Variants in CEP128 observed in about 807,000 individuals in gnomAD.
The protein encoded by CEP128 is centrosomal protein 128kDa.
A neutral mutation model predicts 156.7 loss-of-function variants in CEP128; 132 were observed. That is an observed-to-expected ratio of 0.84 (90% confidence interval 0.73 to 0.97). The LOEUF is 0.97. CEP128 is among the 50% of genes least tolerant of loss of function. The pLI is 0.00. For synonymous variants in CEP128, 469 were observed against 448.9 expected, an observed-to-expected ratio of 1.04 and a Z score of -0.57; for missense variants, 1,252 against 1,281.9, an observed-to-expected ratio of 0.98 and a Z score of 0.36.
intron 19 of CEP128, among the ~76,000 whole-genome samples, chr14:80,609,092 T>G (rs893908230): frequency 3.3e-5 from 5 of 152,212 alleles, no homozygotes; most frequent in African/African-American, 1.2e-4. Context: ...GACATACTAA[T>G]GATACTGCAA....
Position 80,792,741 on chromosome 14 carries a change from A to G in CEP128, c.1560+19T>C. On this transcript the variant is annotated intron_variant, in intron 14 of 24. Transcript: ENST00000555265. Reference sequence around the variant, plus strand: ...TGAATCACATTGAAAACCGTTCCTTAGGAATGTGGCTTTTATACCTGATTA... The same window carrying G: ...TGAATCACATTGAAAACCGTTCCTTGGGAATGTGGCTTTTATACCTGATTA... 6.3e-7 allele frequency: 1 copy of G among 1,596,876 alleles called. No individual in the cohort carries two copies. The highest frequency in any genetic ancestry group is 8.6e-7 in the Non-Finnish European group (1 of 1,165,544).
chr14:80,860,041 A>AC, intron 9 of CEP128, among the ~76,000 whole-genome samples: 1 of 152,292 alleles, frequency 6.6e-6, no homozygotes, highest in Non-Finnish European at 1.5e-5. Context: ...TATGGATTTA[A>AC]TTTTTCACCA....
At chr14:80,817,512 C>T (rs1420021967) in intron 13 of CEP128, among the ~76,000 whole-genome samples, 2 of 152,008 alleles carry the variant, frequency 1.3e-5, no homozygotes, top group Non-Finnish European at 2.9e-5. Context: ...CATCTAATAG[C>T]AATATCAGTA....
intron 19 of CEP128, 147 bp from the exon 20 acceptor site, chr14:80,580,570 A>C (rs1891547919): frequency 3.5e-6 from 2 of 570,248 alleles, no homozygotes; most frequent in Non-Finnish European, 6.3e-6. Context: ...ATGTAAAAGA[A>C]ACACGCTCTG....
intron 19 of CEP128, among the ~76,000 whole-genome samples, chr14:80,649,378 T>G (rs1292140943): frequency 1.3e-5 from 2 of 151,748 alleles, no homozygotes; most frequent in African/African-American, 4.8e-5. Context: ...ATTAGTTACC[T>G]AAAAAATGAA....
At chr14:80,768,395 A>C (rs2139720465) in intron 16 of CEP128, among the ~76,000 whole-genome samples, 1 of 152,294 alleles carries the variant, frequency 6.6e-6, no homozygotes, top group Admixed American at 6.5e-5. Flanking sequence ...GTGTGAGAGA[A>C]TGAGCTGATT....
At chr14:80,838,743 T>C (rs544042285) in intron 10 of CEP128, among the ~76,000 whole-genome samples, 2 of 152,290 alleles carry the variant, frequency 1.3e-5, no homozygotes, top group African/African-American at 4.8e-5. Context: ...TTTCATCTAA[T>C]TGGTGATTTC....
At chr14:80,515,694 G>A (rs372142555) in intron 23 of CEP128, among the ~76,000 whole-genome samples, 1 of 152,132 alleles carries the variant, frequency 6.6e-6, no homozygotes. Context: ...CACTCTGCCT[G>A]AGCTGTTGCC....
chr14:80,871,894 AAGATG>A (rs1839110520), intron 8 of CEP128, among the ~76,000 whole-genome samples: 1 of 152,160 alleles, frequency 6.6e-6, no homozygotes, highest in South Asian at 2.1e-4. Context: ...TTCTGTTTAA[AAGATG>A]GTATTCTCGC....
chr14:80,927,164 T>C (rs1885196681), intron 2 of CEP128, among the ~76,000 whole-genome samples: 1 of 152,130 alleles, frequency 6.6e-6, no homozygotes, highest in Non-Finnish European at 1.5e-5. Flanking sequence ...AGGGGGCGTG[T>C]ACCACATTAA....
intron 19 of CEP128, among the ~76,000 whole-genome samples, chr14:80,683,121 A>G (rs1033690958): frequency 2.0e-5 from 3 of 152,146 alleles, no homozygotes; most frequent in African/African-American, 7.2e-5. Flanking sequence ...AAAACCTCAA[A>G]TATCAATATT....
chr14:80,740,346 A>G (rs919521617), intron 19 of CEP128, among the ~76,000 whole-genome samples: 1 of 152,106 alleles, frequency 6.6e-6, no homozygotes, highest in Admixed American at 6.6e-5. Context: ...GTGCCTGTCA[A>G]AAATTCATTA....
chr14:80,868,231 T>C (rs138839861), intron 8 of CEP128, among the ~76,000 whole-genome samples: 1 of 152,308 alleles, frequency 6.6e-6, no homozygotes, highest in African/African-American at 2.4e-5. Flanking sequence ...ATACTCAAAT[T>C]ATAATACTCT....
At chr14:80,830,424 A>T in intron 13 of CEP128, 1 of 399,022 alleles carries the variant, frequency 2.5e-6, no homozygotes, top group Non-Finnish European at 4.5e-6. Flanking sequence ...AACTTCACTT[A>T]CAAAAACAGA....
At chr14:80,606,044 T>C (rs115123100) in intron 19 of CEP128, among the ~76,000 whole-genome samples, 8,273 of 152,072 alleles carry the variant, frequency 0.054, 721 homozygotes, top group African/African-American at 0.19. Flanking sequence ...TTCTTTGGTG[T>C]TATGTTCCAA....
At chr14:80,925,588 G>A (rs890284041) in intron 2 of CEP128, among the ~76,000 whole-genome samples, 1 of 150,894 alleles carries the variant, frequency 6.6e-6, no homozygotes, top group Admixed American at 6.6e-5. Flanking sequence ...AGGGTTTTTT[G>A]TTTTTTTGGT....
chr14:80,745,441 AG>A (rs1899050249), intron 18 of CEP128, among the ~76,000 whole-genome samples: 1 of 152,202 alleles, frequency 6.6e-6, no homozygotes, highest in Non-Finnish European at 1.5e-5. Flanking sequence ...CAAGAATGCA[AG>A]GTTTAAGATA....
chr14:80,756,972 G>A (rs765138929), intron 17 of CEP128, 21 bp from the exon 18 acceptor site: 6 of 1,489,436 alleles, frequency 4.0e-6, no homozygotes, highest in South Asian at 2.3e-5. Context: ...GAAAACAGTC[G>A]ATTAGAAATA....
chr14:80,915,034 A>G lies in CEP128; in HGVS notation c.148-626T>C, dbSNP rs1361073298. On this transcript the variant is annotated intron_variant, in intron 3 of 24. Transcript: ENST00000555265. ...TTGTTATCTTACTTTACTTACTTACATTTTACTTACTTTACTTACTTACTT... is the reference window on the plus strand; with the variant it reads ...TTGTTATCTTACTTTACTTACTTACGTTTTACTTACTTTACTTACTTACTT... Among the ~76,000 whole-genome samples the G allele has an allele frequency of 4.6e-5, 7 of 152,190 alleles. 1 individual carries two copies. The highest frequency in any genetic ancestry group is 1.4e-4 in the African/African-American group (6 of 41,528).
Sources: gnomAD v4.1 joint callset for allele counts (sites outside exome capture counted in the v4.1 genomes callset) on GRCh38, gnomAD v4.1.1 for gene constraint, MANE v1.5 for transcripts, NCBI Gene and HGNC (gene_info 2026-07-23, HGNC 2026-07-21) for gene names.